The following CDH18 variants were observed in gnomAD, a reference collection of about 807,000 sequenced individuals.
CDH18 encodes cadherin-18.
CDH18 carries 31 observed loss-of-function variants against 67.9 expected under a neutral mutation model. The ratio of observed to expected loss-of-function variants is 0.46; its 90% confidence interval spans 0.34 to 0.62. The LOEUF (loss-of-function observed/expected upper bound fraction) is 0.62, where lower values mean the gene tolerates loss of function less well. Among genes scored for constraint, CDH18 ranks in the 20% least tolerant of loss-of-function variants. CDH18 has a pLI of 0.01. For missense variants in CDH18, 890 were observed against 975.5 expected, an observed-to-expected ratio of 0.91 and a Z score of 1.17; for synonymous variants, 362 against 347.2, an observed-to-expected ratio of 1.04 and a Z score of -0.48.
At chr5:19,564,063 A>G (rs535376665) in intron 8 of CDH18, among the ~76,000 whole-genome samples, 2 of 152,324 alleles carry the variant, frequency 1.3e-5, no homozygotes, top group South Asian at 2.1e-4. Flanking sequence ...AACTCAACCC[A>G]GTGGTCAAAA....
chr5:19,616,949 A>G (rs1749934331), intron 5 of CDH18, among the ~76,000 whole-genome samples: 1 of 152,134 alleles, frequency 6.6e-6, no homozygotes, highest in South Asian at 2.1e-4. Context: ...TTTTTGAGCC[A>G]CTATTTTCAT....
At chr5:19,884,601 G>A (rs1788001740) in intron 2 of CDH18, among the ~76,000 whole-genome samples, 1 of 151,146 alleles carries the variant, frequency 6.6e-6, no homozygotes, top group African/African-American at 2.4e-5. Context: ...AAGAAATATG[G>A]GAAATAAATA....
rs149335576 is a variant in CDH18, at chr5:19,696,071, G to A, written c.643+25276C>T. Among the ~76,000 whole-genome samples the A allele has an allele frequency of 3.3e-3, 506 of 152,144 alleles. 2 individuals carry two copies. Among genetic ancestry groups the A allele is most frequent in the African/African-American group, 0.012 (489 of 41,506 alleles). On this transcript the variant is annotated intron_variant, in intron 5 of 12. Transcript: ENST00000382275. ...CTTTAAAACTTATATCTTGATTGAT[G>A]GTTAAAATATATTCATGATAAACCT... is the stretch of plus-strand genomic sequence containing the variant.
chr5:19,878,511 T>C (rs1362730309), intron 2 of CDH18, among the ~76,000 whole-genome samples: 1 of 152,062 alleles, frequency 6.6e-6, no homozygotes, highest in East Asian at 1.9e-4. Flanking sequence ...CCTGAGTTAT[T>C]TCTGTGGCTG....
chr5:19,638,879 A>G (rs759788643), intron 5 of CDH18, among the ~76,000 whole-genome samples: 12 of 148,842 alleles, frequency 8.1e-5, no homozygotes, highest in Non-Finnish European at 1.6e-4. Flanking sequence ...TAACAAGGGG[A>G]GCAGTCAACA....
At chr5:20,086,575 T>C (rs1415678241) in intron 2 of CDH18, among the ~76,000 whole-genome samples, 1 of 152,166 alleles carries the variant, frequency 6.6e-6, no homozygotes, top group Admixed American at 6.5e-5. Context: ...CTAATACATC[T>C]TGTGACTTTA....
chr5:19,945,587 C>T (rs1267873066), intron 2 of CDH18, among the ~76,000 whole-genome samples: 1 of 152,032 alleles, frequency 6.6e-6, no homozygotes, highest in South Asian at 2.1e-4. Context: ...TATCTTAAAA[C>T]AGGCATAATG....
At chr5:19,503,677 T>C (rs1743629845) in intron 10 of CDH18, among the ~76,000 whole-genome samples, 1 of 152,076 alleles carries the variant, frequency 6.6e-6, no homozygotes, top group Admixed American at 6.6e-5. Flanking sequence ...AACAAGACCT[T>C]CCGTGATTTA....
chr5:20,559,702 A>G lies in CDH18; in HGVS notation c.-580+15760T>C, dbSNP rs150361279. ...AGAAATGTGAAGAATATTGAAGCTA[A>G]TATTGAATTCCAACCTGATCATATA... On this transcript the variant is annotated intron_variant, in intron 1 of 14. Coordinates refer to the CDH18 transcript ENST00000507958. Among the ~76,000 whole-genome samples the G allele has an allele frequency of 4.7e-4, 71 of 152,226 alleles. 1 individual carries two copies. In the East Asian group the frequency reaches 0.013, roughly 28 times the overall value.
At chr5:19,570,652 T>C (rs753285212) in intron 8 of CDH18, among the ~76,000 whole-genome samples, 3 of 152,230 alleles carry the variant, frequency 2.0e-5, no homozygotes, top group Non-Finnish European at 4.4e-5. Context: ...TGAGTATAAA[T>C]ACAGGATATC....
intron 10 of CDH18, among the ~76,000 whole-genome samples, chr5:19,506,740 T>C (rs560103377): frequency 3.3e-5 from 5 of 152,302 alleles, no homozygotes; most frequent in East Asian, 1.9e-4. Context: ...TTACACCTTA[T>C]ACAAAAATTA....
chr5:19,634,937 CAAA>C (rs11343866), intron 5 of CDH18, among the ~76,000 whole-genome samples: 17 of 125,768 alleles, frequency 1.4e-4, no homozygotes, highest in Admixed American at 1.6e-4. Flanking sequence ...AACTGCATCT[CAAA>C]AAAAAAAAAA....
chr5:19,665,210 T>G (rs1435294270), intron 5 of CDH18, among the ~76,000 whole-genome samples: 1 of 152,048 alleles, frequency 6.6e-6, no homozygotes, highest in African/African-American at 2.4e-5. Flanking sequence ...ATAAACGATG[T>G]CAAAACTAAA....
At chr5:19,745,665 C>T (rs1426568043) in intron 4 of CDH18, among the ~76,000 whole-genome samples, 3 of 152,118 alleles carry the variant, frequency 2.0e-5, no homozygotes, top group Non-Finnish European at 2.9e-5. Flanking sequence ...TCAATAAGCC[C>T]GACAGTATTC....
intron 2 of CDH18, among the ~76,000 whole-genome samples, chr5:20,146,235 C>A (rs1032570261): frequency 5.9e-5 from 9 of 152,030 alleles, no homozygotes; most frequent in Non-Finnish European, 1.2e-4. Flanking sequence ...CAGTTGCTCT[C>A]CATCTACTTT....
At chr5:19,994,528 T>C (rs114996470) in intron 2 of CDH18, among the ~76,000 whole-genome samples, 41 of 149,958 alleles carry the variant, frequency 2.7e-4, no homozygotes, top group Non-Finnish European at 5.5e-4. Context: ...AAAAGGCTAC[T>C]GAAATTGAAA....
At position 20,334,746 on chromosome 5, in the gene CDH18, TCTCTCATACACA is replaced by T. The variant is rs953543160; in HGVS notation, c.-579-79253_-579-79242del. On this transcript the variant is annotated intron_variant, in intron 1 of 14. Coordinates refer to the CDH18 transcript ENST00000507958. ...GTGCTATGATCTCTCTCTCTCTCTCTCTCTCATACACACACACACACACACACACACACACAC... is the reference window on the plus strand; with the variant it reads ...GTGCTATGATCTCTCTCTCTCTCTCTCACACACACACACACACACACACAC... Among the ~76,000 whole-genome samples, 15 of 131,092 alleles carry T rather than the reference TCTCTCATACACA, an allele frequency of 1.1e-4. No homozygotes were observed. In the East Asian group the frequency reaches 3.6e-3, roughly 32 times the overall value. The allele number at this position is 131,092 out of a possible 152,430, so 86.0% of individuals were successfully genotyped here.
chr5:19,861,546 T>C (rs1365984010), intron 2 of CDH18, among the ~76,000 whole-genome samples: 1 of 152,186 alleles, frequency 6.6e-6, no homozygotes, highest in Non-Finnish European at 1.5e-5. Flanking sequence ...TTTGGATTTT[T>C]GTTGAGAATA....
chr5:20,428,730 A>G (rs1157017750), intron 1 of CDH18, among the ~76,000 whole-genome samples: 2 of 152,116 alleles, frequency 1.3e-5, no homozygotes, highest in Non-Finnish European at 2.9e-5. Flanking sequence ...TTGTGACCCA[A>G]TGTGTTTTAC....
Sources: gnomAD v4.1 joint callset for allele counts (sites outside exome capture counted in the v4.1 genomes callset) on GRCh38, gnomAD v4.1.1 for gene constraint, MANE v1.5 for transcripts, NCBI Gene and HGNC (gene_info 2026-07-23, HGNC 2026-07-21) for gene names.